Variants in ACADSB observed in about 807,000 individuals in gnomAD.
The protein encoded by ACADSB is acyl-CoA dehydrogenase short/branched chain.
In ACADSB, 40 loss-of-function variants were observed where a neutral mutation model predicts 54.1. That is an observed-to-expected ratio of 0.74 (90% CI 0.57 to 0.96). ACADSB has a LOEUF of 0.96. ACADSB is among the 40% of genes least tolerant of loss of function. ACADSB has a pLI of 0.00. For missense variants in ACADSB, 530 were observed against 510.4 expected (o/e 1.04, Z -0.37); for synonymous variants, 182 against 182.8 (o/e 1.00, Z 0.03).
intron 3 of ACADSB, 84 bp downstream of exon 3, chr10:123,037,931 C>T: frequency 1.0e-6 from 1 of 1,001,168 alleles, no homozygotes; most frequent in Non-Finnish European, 1.5e-6. Flanking sequence ...CCTGCATTTC[C>T]CAGTCAAAAT....
chr10:123,028,224 G>T (rs543325297), intron 1 of ACADSB, among the ~76,000 whole-genome samples: 1 of 148,058 alleles, frequency 6.8e-6, no homozygotes. Flanking sequence ...TAATAGATTA[G>T]TTGGTAAATG....
chr10:123,046,928 G>T (rs148715545), intron 7 of ACADSB, among the ~76,000 whole-genome samples: 50 of 152,268 alleles, frequency 3.3e-4, no homozygotes, highest in African/African-American at 1.1e-3. Context: ...AACCTAAAAA[G>T]GTTGTGTGAA....
intron 8 of ACADSB, among the ~76,000 whole-genome samples, chr10:123,048,171 G>A (rs180698099): frequency 1.6e-4 from 24 of 152,280 alleles, no homozygotes; most frequent in Non-Finnish European, 3.1e-4. Context: ...TGATTGCATT[G>A]CCAACTGCAT....
intron 1 of ACADSB, among the ~76,000 whole-genome samples, chr10:123,012,649 C>T (rs1004077988): frequency 6.6e-6 from 1 of 151,618 alleles, no homozygotes; most frequent in Non-Finnish European, 1.5e-5. Context: ...GCTCTTAAGG[C>T]GGCACATCTG....
At chr10:123,024,714 A>G (rs1418507811) in intron 1 of ACADSB, among the ~76,000 whole-genome samples, 1 of 152,230 alleles carries the variant, frequency 6.6e-6, no homozygotes, top group Non-Finnish European at 1.5e-5. Flanking sequence ...AGCACACCTA[A>G]CAGGGTGGGG....
chr10:123,017,502 G>T (rs1392309679), intron 1 of ACADSB, among the ~76,000 whole-genome samples: 3 of 152,132 alleles, frequency 2.0e-5, no homozygotes, highest in South Asian at 2.1e-4. Flanking sequence ...ATTTTTAGTA[G>T]AGACAGGATT....
At chr10:123,024,750 G>A (rs1283729918) in intron 1 of ACADSB, among the ~76,000 whole-genome samples, 1 of 152,218 alleles carries the variant, frequency 6.6e-6, no homozygotes, top group Non-Finnish European at 1.5e-5. Flanking sequence ...CAGCTCGTGG[G>A]GCTGGGCCCA....
Position 123,056,671 on chromosome 10 carries a change from T to A in ACADSB, c.*2906T>A, listed in dbSNP as rs908304813. Reference sequence around the variant, plus strand: ...CTGAAAGAGGAACATGTGTTAGAGATGAAGAATCTTCCAAGGCTCATGCAG... The same window carrying A: ...CTGAAAGAGGAACATGTGTTAGAGAAGAAGAATCTTCCAAGGCTCATGCAG... On this transcript the variant is annotated 3_prime_UTR_variant, in exon 11 of 11. Transcript: ENST00000358776. 2 of 152,220 alleles carry A rather than the reference T, an allele frequency of 1.3e-5. No individual in the cohort carries two copies. Among genetic ancestry groups the A allele is most frequent in the African/African-American group, 4.8e-5 (2 of 41,468 alleles). The allele number at this position is 152,220 out of a possible 1,614,324, so 9.4% of individuals were successfully genotyped here.
At chr10:123,012,989 A>G (rs886869138) in intron 1 of ACADSB, among the ~76,000 whole-genome samples, 4 of 152,202 alleles carry the variant, frequency 2.6e-5, no homozygotes, top group African/African-American at 9.6e-5. Context: ...TTAGCTAGAT[A>G]CAGAGTGCTG....
At chr10:123,009,188 C>A in intron 1 of ACADSB, 117 bp downstream of exon 1, 7 of 1,157,210 alleles carry the variant, frequency 6.0e-6, no homozygotes, top group South Asian at 1.4e-5. Context: ...CGCTCCACGT[C>A]CTGGGTCCCC....
intron 1 of ACADSB, among the ~76,000 whole-genome samples, chr10:123,021,085 G>A (rs1362021322): frequency 6.6e-6 from 1 of 152,148 alleles, no homozygotes; most frequent in African/African-American, 2.4e-5. Flanking sequence ...CTATTTGGTA[G>A]TTTATTTGCA....
chr10:123,039,486 C>T lies in ACADSB; in HGVS notation c.304-980C>T, dbSNP rs572816649. ...AGTTTCAGTAACGATGGAACTGGGT[C>T]GTTGGAAAGGCTTGGCTGGCACTGG... On this transcript the variant is annotated intron_variant, in intron 3 of 10. Coordinates refer to ENST00000358776, the MANE Select transcript of ACADSB (RefSeq NM_001609.4). 4.6e-5 allele frequency among the ~76,000 whole-genome samples: 7 copies of T among 152,302 alleles called. No individual in the cohort carries two copies. The South Asian group carries it at 6.2e-4, about 14-fold the overall frequency.
chr10:123,040,710 C>A, intron 4 of ACADSB, 38 bp downstream of exon 4: 1 of 1,566,604 alleles, frequency 6.4e-7, no homozygotes, highest in South Asian at 1.1e-5. Flanking sequence ...TGGATCTAAT[C>A]TTTAGTAAGT....
intron 1 of ACADSB, chr10:123,027,612 T>A (rs1346997560): frequency 2.3e-6 from 1 of 442,330 alleles, no homozygotes; most frequent in African/African-American, 2.0e-5. Context: ...GTTAAACCTC[T>A]TTTTCTTCCC....
intron 3 of ACADSB, 57 bp downstream of exon 3, chr10:123,037,904 A>G: frequency 1.6e-6 from 2 of 1,244,460 alleles, no homozygotes; most frequent in Non-Finnish European, 2.4e-6. Flanking sequence ...AGGGACTGTA[A>G]TGATAGCATA....
intron 1 of ACADSB, among the ~76,000 whole-genome samples, chr10:123,013,391 A>T (rs1270885165): frequency 6.6e-6 from 1 of 152,248 alleles, no homozygotes; most frequent in Non-Finnish European, 1.5e-5. Flanking sequence ...TTAGCTAGAC[A>T]CAAAGGTTCT....
chr10:123,029,128 C>T (rs1047647396), intron 1 of ACADSB, among the ~76,000 whole-genome samples: 1 of 152,086 alleles, frequency 6.6e-6, no homozygotes, highest in African/African-American at 2.4e-5. Flanking sequence ...GGGCAGATTG[C>T]TTGAGGCCAG....
chr10:123,052,177 A>G lies in ACADSB; in HGVS notation c.1129-884A>G, dbSNP rs1245481601. Among the ~76,000 whole-genome samples the G allele has an allele frequency of 1.3e-5, 2 of 152,166 alleles. No homozygotes were observed. Among genetic ancestry groups the G allele is most frequent in the Admixed American group, 6.5e-5 (1 of 15,270 alleles). On this transcript the variant is annotated intron_variant, in intron 9 of 10. Transcript: ENST00000358776. This position sits in a 1 kb window ranked among gnomAD's most constrained non-coding sequence, Gnocchi z 4.2. ...ATTCCAATTGCTGCTATAACAAATT[A>G]CCAAAAAGTCGGGGACCTAAAACAA...
chr10:123,033,755 A>T (rs1850359341), intron 1 of ACADSB, among the ~76,000 whole-genome samples: 1 of 152,240 alleles, frequency 6.6e-6, no homozygotes, highest in Admixed American at 6.5e-5. Flanking sequence ...CCAAGACCAC[A>T]TAAATTAAAT....
Sources: gnomAD v4.1 joint callset for allele counts (sites outside exome capture counted in the v4.1 genomes callset) on GRCh38, gnomAD v4.1.1 for gene constraint, Gnocchi (gnomAD v3.1) non-coding constraint, MANE v1.5 for transcripts, NCBI Gene and HGNC (gene_info 2026-07-23, HGNC 2026-07-21) for gene names.